SUGCT: variants seen among roughly 807,000 people sequenced by gnomAD.
SUGCT encodes the protein succinyl-CoA:glutarate CoA-transferase.
Under a neutral mutation model 55.0 loss-of-function variants are expected in SUGCT, and 41 were observed. The observed-to-expected ratio is 0.74, with a 90% CI of 0.58 to 0.97. The LOEUF is 0.97. Ranked by LOEUF, SUGCT falls within the 50% of genes least tolerant of loss-of-function variation. SUGCT has a pLI of 0.00. For synonymous variants in SUGCT, 187 were observed against 200.4 expected, an observed-to-expected ratio of 0.93 and a Z score of 0.56; for missense variants, 568 against 547.8, an observed-to-expected ratio of 1.04 and a Z score of -0.37.
chr7:40,332,462 T>G (rs1425211884), intron 9 of SUGCT, among the ~76,000 whole-genome samples: 1 of 151,862 alleles, frequency 6.6e-6, no homozygotes, highest in Non-Finnish European at 1.5e-5. Context: ...TTTGTTTTTT[T>G]TTTTTTACAT....
chr7:40,365,982 C>A (rs1277706366), intron 9 of SUGCT, among the ~76,000 whole-genome samples: 1 of 152,166 alleles, frequency 6.6e-6, no homozygotes, highest in African/African-American at 2.4e-5. Context: ...AAGAACAAAG[C>A]TGGAGGCATC....
chr7:40,684,378 G>A (rs1173047141), intron 12 of SUGCT, among the ~76,000 whole-genome samples: 1 of 152,146 alleles, frequency 6.6e-6, no homozygotes, highest in Non-Finnish European at 1.5e-5. Flanking sequence ...TTCCATTTCT[G>A]AGACTCTACC....
chr7:40,677,674 A>G (rs1784064250), intron 12 of SUGCT, among the ~76,000 whole-genome samples: 1 of 152,210 alleles, frequency 6.6e-6, no homozygotes. Context: ...AGAGAGGCTA[A>G]TAAGAACGTT....
At chr7:40,755,061 G>A (rs1043845191) in intron 13 of SUGCT, among the ~76,000 whole-genome samples, 1 of 152,116 alleles carries the variant, frequency 6.6e-6, no homozygotes, top group African/African-American at 2.4e-5. Context: ...AAACAGGGAG[G>A]GGGCAGGCTC....
intron 9 of SUGCT, among the ~76,000 whole-genome samples, chr7:40,369,344 G>A (rs1313768759): frequency 2.0e-5 from 3 of 152,294 alleles, no homozygotes; most frequent in East Asian, 3.9e-4. Context: ...GTGGGAAGAA[G>A]ATGACTTCTA....
At chr7:40,863,082 T>TA (rs1794523524), downstream of SUGCT, among the ~76,000 whole-genome samples, 1 of 152,032 alleles carries the variant, frequency 6.6e-6, no homozygotes, top group Non-Finnish European at 1.5e-5. Flanking sequence ...CTACTAAAAA[T>TA]ACAAAAATTA....
chr7:40,784,057 A>T (rs948098759), intron 13 of SUGCT, among the ~76,000 whole-genome samples: 3 of 152,122 alleles, frequency 2.0e-5, no homozygotes, highest in Non-Finnish European at 4.4e-5. Context: ...TTTTTGTGGG[A>T]AAAGCCTTTT....
chr7:40,377,040 A>G (rs1784582195), intron 9 of SUGCT, among the ~76,000 whole-genome samples: 1 of 151,134 alleles, frequency 6.6e-6, no homozygotes, highest in Non-Finnish European at 1.5e-5. Flanking sequence ...TAGTTCCCAT[A>G]TAGGTGATTA....
At chr7:40,871,888 A>G in the SUGCT span, among the ~76,000 whole-genome samples, 1 of 152,178 alleles carries the variant, frequency 6.6e-6, no homozygotes, top group African/African-American at 2.4e-5. Context: ...AAACTTTTGC[A>G]AGGACCTCCC....
At chr7:40,690,606 C>T (rs374935258) in intron 12 of SUGCT, among the ~76,000 whole-genome samples, 131 of 151,792 alleles carry the variant, frequency 8.6e-4, no homozygotes, top group African/African-American at 2.8e-3. Flanking sequence ...GAAACTCTGT[C>T]GCTCAGGCTG....
the SUGCT span, among the ~76,000 whole-genome samples, chr7:41,025,653 C>A: frequency 6.6e-6 from 1 of 151,930 alleles, no homozygotes; most frequent in African/African-American, 2.4e-5. Flanking sequence ...CCGTGCCCAG[C>A]CACTGTAAGA....
chr7:40,469,469 T>C (rs1254513413), intron 11 of SUGCT, among the ~76,000 whole-genome samples: 5 of 152,216 alleles, frequency 3.3e-5, no homozygotes, highest in Non-Finnish European at 7.3e-5. Context: ...GAATGTTGGT[T>C]ATTTGGAGAT....
At chr7:40,480,423 T>C (rs931733283) in intron 11 of SUGCT, among the ~76,000 whole-genome samples, 3 of 152,178 alleles carry the variant, frequency 2.0e-5, no homozygotes, top group Non-Finnish European at 4.4e-5. Flanking sequence ...TTTTGTAGTT[T>C]TGTGATCTAT....
At chr7:40,336,620 G>A (rs552260752) in intron 9 of SUGCT, among the ~76,000 whole-genome samples, 76 of 152,018 alleles carry the variant, frequency 5.0e-4, no homozygotes, top group Middle Eastern at 3.4e-3. Flanking sequence ...TTTATTGCAC[G>A]TATTTAATTC....
intron 9 of SUGCT, among the ~76,000 whole-genome samples, chr7:40,388,988 T>G (rs1253762042): frequency 1.3e-5 from 2 of 152,230 alleles, no homozygotes; most frequent in African/African-American, 4.8e-5. Context: ...CTTCTAGCTT[T>G]TCATTGGCTA....
At chr7:40,921,841 T>C in the SUGCT span, among the ~76,000 whole-genome samples, 106 of 152,298 alleles carry the variant, frequency 7.0e-4, no homozygotes, top group African/African-American at 2.5e-3. Flanking sequence ...GGCTCTAGAC[T>C]GGAGCTGAGG....
chr7:40,382,469 A>G (rs893901537), intron 9 of SUGCT, among the ~76,000 whole-genome samples: 8 of 152,170 alleles, frequency 5.3e-5, no homozygotes, highest in Non-Finnish European at 1.2e-4. Context: ...GTCTTAGTCA[A>G]TATCTCCTTT....
chr7:40,422,616 T>C (rs1787371544), intron 9 of SUGCT, among the ~76,000 whole-genome samples: 1 of 152,230 alleles, frequency 6.6e-6, no homozygotes, highest in African/African-American at 2.4e-5. Context: ...TCAATCTGTA[T>C]ACAATGTAAC....
chr7:40,386,863 T>C (rs1785155231), intron 9 of SUGCT, among the ~76,000 whole-genome samples: 1 of 152,166 alleles, frequency 6.6e-6, no homozygotes, highest in Admixed American at 6.5e-5. Flanking sequence ...GTGCATTTAC[T>C]TGTAGGTGCC....
Sources: gnomAD v4.1 joint callset for allele counts (sites outside exome capture counted in the v4.1 genomes callset) on GRCh38, gnomAD v4.1.1 for gene constraint, MANE v1.5 for transcripts, NCBI Gene and HGNC (gene_info 2026-07-23, HGNC 2026-07-21) for gene names.